DNAAF9: variants seen among roughly 807,000 people sequenced by gnomAD.
DNAAF9 encodes the protein shulin.
DNAAF9 carries 90 observed loss-of-function variants against 167.0 expected under a neutral mutation model. The observed-to-expected ratio is 0.54, with a 90% CI of 0.45 to 0.64. DNAAF9 has a LOEUF of 0.64. DNAAF9 is among the 30% of genes least tolerant of loss of function. The pLI is 0.00. For missense variants in DNAAF9, 1,315 were observed against 1,442.2 expected (o/e 0.91, Z 1.43); for synonymous variants, 491 against 508.8 (o/e 0.96, Z 0.47).
intron 1 of DNAAF9, among the ~76,000 whole-genome samples, chr20:3,401,676 A>T (rs538270945): frequency 4.1e-4 from 63 of 152,338 alleles, no homozygotes; most frequent in African/African-American, 1.5e-3. Flanking sequence ...AGCGAGTCCT[A>T]TGTGCCAGAC....
intron 20 of DNAAF9, among the ~76,000 whole-genome samples, chr20:3,313,509 A>C (rs895170193): frequency 6.6e-6 from 1 of 152,222 alleles, no homozygotes; most frequent in Admixed American, 6.5e-5. Flanking sequence ...TTTGTAGAGT[A>C]AGTCAGAACT....
intron 8 of DNAAF9, among the ~76,000 whole-genome samples, chr20:3,345,726 T>C (rs2070179597): frequency 1.3e-5 from 2 of 152,042 alleles, no homozygotes; most frequent in Middle Eastern, 3.4e-3. Flanking sequence ...AAAACAAAAA[T>C]GTTTGCATGG....
chr20:3,372,708 G>A (rs2083526614), intron 6 of DNAAF9, among the ~76,000 whole-genome samples: 1 of 152,176 alleles, frequency 6.6e-6, no homozygotes, highest in African/African-American at 2.4e-5. Context: ...TCTGGACCTG[G>A]CCCCAGCTCT....
At chr20:3,361,841 T>C (rs2083369095) in intron 6 of DNAAF9, 11 of 1,431,956 alleles carry the variant, frequency 7.7e-6, no homozygotes, top group East Asian at 2.3e-5. Context: ...AAATCGAATG[T>C]TGGGGGGAAG....
At chr20:3,276,918 C>T (rs1055509194) in intron 29 of DNAAF9, among the ~76,000 whole-genome samples, 12 of 152,168 alleles carry the variant, frequency 7.9e-5, no homozygotes, top group Admixed American at 6.5e-5. Context: ...AAGGACACTG[C>T]TTCTCTGAGT....
At chr20:3,346,286 T>C (rs1438681921) in intron 8 of DNAAF9, among the ~76,000 whole-genome samples, 3 of 152,196 alleles carry the variant, frequency 2.0e-5, no homozygotes, top group Admixed American at 1.3e-4. Flanking sequence ...ACTCACCTTT[T>C]GACCCAGCAA....
intron 29 of DNAAF9, among the ~76,000 whole-genome samples, chr20:3,274,262 C>A (rs994313107): frequency 2.0e-5 from 3 of 152,028 alleles, no homozygotes; most frequent in African/African-American, 7.2e-5. Context: ...CCTGCCTCAT[C>A]CTCCTGAGTA....
intron 36 of DNAAF9, 145 bp from the exon 37 acceptor site, chr20:3,252,829 T>C: frequency 1.6e-6 from 1 of 639,484 alleles, no homozygotes; most frequent in East Asian, 2.6e-5. Flanking sequence ...GGACTCTTTG[T>C]ATATACTGGC....
rs2084083618 is a variant in DNAAF9 at position 3,407,610 on chromosome 20, T to A, written c.-53A>T. ...GACGGTGCAGCTGCGAGGGTCTCAG[T>A]TGCCCGCAGGGCGGCTCCACGCTAG... On this transcript the variant is annotated 5_prime_UTR_variant, in exon 1 of 37. Coordinates refer to ENST00000252032, the MANE Select transcript of DNAAF9 (RefSeq NM_001009984.3). The A allele has an allele frequency of 3.3e-6, 4 of 1,203,484 alleles. No homozygotes were observed. Among genetic ancestry groups the A allele is most frequent in the Non-Finnish European group, 4.1e-6 (4 of 969,812 alleles). The allele number at this position is 1,203,484 out of a possible 1,614,324, so 74.6% of individuals were successfully genotyped here.
At chr20:3,334,436 C>T (rs75241137) in intron 10 of DNAAF9, among the ~76,000 whole-genome samples, 6,830 of 151,718 alleles carry the variant, frequency 0.045, 225 homozygotes, top group African/African-American at 0.095. Context: ...CAGCTCTTTT[C>T]TTTTTATCCC....
At chr20:3,323,523 C>T (rs868842537) in intron 14 of DNAAF9, among the ~76,000 whole-genome samples, 1 of 152,030 alleles carries the variant, frequency 6.6e-6, no homozygotes, top group African/African-American at 2.4e-5. Flanking sequence ...CTCAAGTGAT[C>T]GCCTGTCTTG....
At chr20:3,292,021 T>C (rs1217510857) in intron 25 of DNAAF9, among the ~76,000 whole-genome samples, 4 of 150,862 alleles carry the variant, frequency 2.7e-5, no homozygotes, top group African/African-American at 4.9e-5. Flanking sequence ...TTTTTTGAGA[T>C]GGAGTCTCGC....
chr20:3,369,439 C>T (rs971351918), intron 6 of DNAAF9, among the ~76,000 whole-genome samples: 4 of 150,908 alleles, frequency 2.7e-5, no homozygotes, highest in Non-Finnish European at 5.9e-5. Flanking sequence ...TGTAGTGGTG[C>T]GATCTCAGCT....
chr20:3,298,142 C>T lies in DNAAF9; in HGVS notation c.1816G>A (p.Asp606Asn), dbSNP rs2069116231. 8.7e-6 allele frequency: 14 copies of T among 1,613,878 alleles called. No homozygotes were observed. The highest frequency in any genetic ancestry group is 1.1e-5 in the Non-Finnish European group (13 of 1,179,836). ...TGAGGAAGCAATGAGCTTTTGAAGTCTATGAGAAGAGCAGCAACAGTACTG... is the reference window on the plus strand; with the variant it reads ...TGAGGAAGCAATGAGCTTTTGAAGTTTATGAGAAGAGCAGCAACAGTACTG... The part of the protein sequence containing the change: ...STSTVAALLI[D>N]FKSSLLPHLP... The change falls in exon 22 of 37, where the codon GAC becomes AAC. Residue 606 changes from aspartate (D) to asparagine (N), a missense_variant. This residue lies in a region of DNAAF9 where 981 missense variants were observed against 1,012.5 expected (regional missense o/e 0.97). Transcript: ENST00000252032.
At chr20:3,383,393 C>T (rs1290696700) in intron 1 of DNAAF9, among the ~76,000 whole-genome samples, 4 of 151,560 alleles carry the variant, frequency 2.6e-5, no homozygotes, top group East Asian at 1.9e-4. Context: ...CTCAGCCTCC[C>T]GAATAGCTGG....
At chr20:3,302,956 C>T (rs1384643725) in intron 21 of DNAAF9, among the ~76,000 whole-genome samples, 5 of 152,064 alleles carry the variant, frequency 3.3e-5, no homozygotes, top group Non-Finnish European at 7.4e-5. Flanking sequence ...AGTAACTGGT[C>T]AGCTGGGTGT....
chr20:3,321,744 AT>A lies in DNAAF9; in HGVS notation c.1356+472del, dbSNP rs201568057. ...CCACCACACCTGCCTAATTAAAAAA[AT>A]TTTTTTTTTTAGACACGGGGTCTCA... On this transcript the variant is annotated intron_variant, in intron 16 of 36. Coordinates refer to ENST00000252032, the MANE Select transcript of DNAAF9 (RefSeq NM_001009984.3). Among the ~76,000 whole-genome samples, 1,383 of 150,124 alleles carry A rather than the reference AT, an allele frequency of 9.2e-3. 20 individuals carry two copies. Among genetic ancestry groups the A allele is most frequent in the African/African-American group, 0.032 (1,319 of 40,956 alleles).
At chr20:3,378,102 TC>T (rs2083599479) in intron 3 of DNAAF9, among the ~76,000 whole-genome samples, 1 of 152,162 alleles carries the variant, frequency 6.6e-6, no homozygotes, top group South Asian at 2.1e-4. Flanking sequence ...GGCATAGTGT[TC>T]ACATAGTCAC....
chr20:3,322,482 C>T (rs896944725), intron 15 of DNAAF9, among the ~76,000 whole-genome samples, 170 bp downstream of exon 15: 2 of 152,130 alleles, frequency 1.3e-5, no homozygotes, highest in African/African-American at 4.8e-5. Flanking sequence ...CAGTGGGAAG[C>T]ACTCAGGGTA....
Sources: gnomAD v4.1 joint callset for allele counts (sites outside exome capture counted in the v4.1 genomes callset) on GRCh38, gnomAD v4.1.1 for gene constraint, gnomAD v4.1.1 regional missense constraint, MANE v1.5 for transcripts, NCBI Gene and HGNC (gene_info 2026-07-23, HGNC 2026-07-21) for gene names.